PALLD: variants seen among roughly 807,000 people sequenced by gnomAD.
PALLD encodes the protein palladin, cytoskeletal associated protein.
A neutral mutation model predicts 123.5 loss-of-function variants in PALLD; 61 were observed. The observed-to-expected ratio is 0.49, with a 90% confidence interval of 0.40 to 0.61. The LOEUF (loss-of-function observed/expected upper bound fraction) is 0.61. Ranked by LOEUF, PALLD falls within the 20% of genes least tolerant of loss-of-function variation. The pLI is 0.00. For missense variants in PALLD, 1,273 were observed against 1,377.0 expected, an observed-to-expected ratio of 0.92 and a Z score of 1.20; for synonymous variants, 465 against 496.4, an observed-to-expected ratio of 0.94 and a Z score of 0.84.
chr4:168,524,553 T>C (rs193154764), intron 2 of PALLD, among the ~76,000 whole-genome samples: 24 of 152,252 alleles, frequency 1.6e-4, no homozygotes, highest in Admixed American at 1.2e-3. Flanking sequence ...AATCACGTCA[T>C]CATAGAAAAT....
At chr4:168,618,109 G>A (rs958873549) in intron 2 of PALLD, among the ~76,000 whole-genome samples, 2 of 152,156 alleles carry the variant, frequency 1.3e-5, no homozygotes, top group African/African-American at 4.8e-5. Flanking sequence ...CGAAGTGAGA[G>A]GTAGCTTCCA....
At chr4:168,740,668 T>A (rs552543543) in intron 10 of PALLD, among the ~76,000 whole-genome samples, 203 of 152,266 alleles carry the variant, frequency 1.3e-3, no homozygotes, top group African/African-American at 4.7e-3. Flanking sequence ...ATGGAAAACA[T>A]TAATTTAAAA....
chr4:168,550,901 C>A (rs1183346186), intron 2 of PALLD, among the ~76,000 whole-genome samples: 1 of 152,186 alleles, frequency 6.6e-6, no homozygotes, highest in Non-Finnish European at 1.5e-5. Flanking sequence ...GTTTCTAACT[C>A]TCTTGTTACT....
intron 2 of PALLD, among the ~76,000 whole-genome samples, chr4:168,666,894 C>T (rs1363656131): frequency 4.6e-5 from 7 of 152,174 alleles, no homozygotes; most frequent in Non-Finnish European, 1.0e-4. Flanking sequence ...GAAAGTTCTT[C>T]AAGACTTTAT....
At chr4:168,527,052 G>A (rs1236375069) in intron 2 of PALLD, among the ~76,000 whole-genome samples, 1 of 152,148 alleles carries the variant, frequency 6.6e-6, no homozygotes, top group Non-Finnish European at 1.5e-5. Flanking sequence ...TCCTTTGCCA[G>A]CTGCTTGTGG....
chr4:168,807,668 CA>C (rs1740430129), intron 10 of PALLD, among the ~76,000 whole-genome samples: 3 of 151,904 alleles, frequency 2.0e-5, no homozygotes, highest in Non-Finnish European at 2.9e-5. Flanking sequence ...CTTGGCCTCC[CA>C]AAGTGCTGTG....
intron 10 of PALLD, among the ~76,000 whole-genome samples, chr4:168,769,132 T>C (rs1178725509): frequency 1.3e-5 from 2 of 152,256 alleles, no homozygotes; most frequent in African/African-American, 4.8e-5. Context: ...GTATGTGTTT[T>C]ATTTGAGTGT....
rs143486094 is a variant in PALLD at position 168,593,520 on chromosome 4, G to A, written c.909-74670G>A. On this transcript the variant is annotated intron_variant, in intron 2 of 21. Coordinates refer to ENST00000505667, the MANE Select transcript of PALLD (RefSeq NM_001166108.2). ...ACCAAAAGCACATGCTCTCTTCTAC[G>A]TGCAACCTCAGGCTTTCCCACCCAC... Among the ~76,000 whole-genome samples, 1,136 of 151,566 alleles carry A rather than the reference G, an allele frequency of 7.5e-3. 12 individuals are homozygous for A. Among genetic ancestry groups the A allele is most frequent in the Middle Eastern group, 0.017 (5 of 288 alleles).
chr4:168,511,124 G>A (rs1762490338), intron 1 of PALLD, among the ~76,000 whole-genome samples: 1 of 152,084 alleles, frequency 6.6e-6, no homozygotes, highest in African/African-American at 2.4e-5. Context: ...ATTAGAGTTT[G>A]AGTAAGGTGG....
At chr4:168,586,577 C>T (rs1016335254) in intron 2 of PALLD, among the ~76,000 whole-genome samples, 3 of 152,254 alleles carry the variant, frequency 2.0e-5, no homozygotes, top group African/African-American at 7.2e-5. Context: ...CAAGCTAAAA[C>T]GTAAGCTGAA....
chr4:168,668,271 C>G lies in PALLD; in HGVS notation c.990C>G (p.Ile330Met). 6.2e-7 allele frequency: 1 copy of G among 1,614,134 alleles called. No individual in the cohort carries two copies. The highest frequency in any genetic ancestry group is 8.5e-7 in the Non-Finnish European group (1 of 1,179,958). ...AGGGAGGGGACCTCCATACCCTGATCATAGCAGAGGCCTTTGAGGACGACA... is the reference window on the plus strand; with the variant it reads ...AGGGAGGGGACCTCCATACCCTGATGATAGCAGAGGCCTTTGAGGACGACA... ...HCEGGDLHTL[I>M]IAEAFEDDTG... is the part of the protein sequence containing the mutation. Residue 330 changes from isoleucine to methionine, a missense_variant, in exon 3 of 22, where the codon ATC (isoleucine) becomes ATG (methionine). By Grantham distance (10) the Ile-to-Met change is conservative. Coordinates refer to ENST00000505667, the MANE Select transcript of PALLD (RefSeq NM_001166108.2).
chr4:168,926,189 T>C (rs1762558013), intron 21 of PALLD, 24 bp from the exon 22 acceptor site: 2 of 1,492,928 alleles, frequency 1.3e-6, no homozygotes, highest in African/African-American at 2.8e-5. Flanking sequence ...ATTAAAAATC[T>C]TAATTTACTC....
At chr4:168,517,073 G>A (rs7657906) in intron 2 of PALLD, among the ~76,000 whole-genome samples, 3,575 of 152,258 alleles carry the variant, frequency 0.023, 152 homozygotes, top group African/African-American at 0.081. Context: ...CAGGGAATGC[G>A]CCACAGGAAA....
At position 168,511,832 on chromosome 4, in the gene PALLD, A is replaced by C; in HGVS notation, c.328A>C (p.Thr110Pro). 1.2e-6 allele frequency: 2 copies of C among 1,614,114 alleles called. No individual in the cohort carries two copies. The highest frequency in any genetic ancestry group is 1.7e-6 in the Non-Finnish European group (2 of 1,179,984). ...TPVQPLAEKQ[T>P]KSISSPVSKR... is the part of the protein sequence containing the mutation. The stretch of plus-strand genomic sequence containing the variant: ...TGTCCAGCCTCTGGCAGAGAAACAA[A>C]CTAAGAGTATCTCTTCACCTGTTTC... The change falls in exon 2 of 22, where the codon ACT becomes CCT. Residue 110 changes from threonine to proline, a missense_variant. This residue lies in a region of PALLD where 944 missense variants were observed against 954.5 expected (regional missense o/e 0.99). Coordinates refer to ENST00000505667, the MANE Select transcript of PALLD (RefSeq NM_001166108.2).
chr4:168,791,901 TA>T (rs202083706), intron 10 of PALLD, among the ~76,000 whole-genome samples: 2 of 151,594 alleles, frequency 1.3e-5, no homozygotes, highest in East Asian at 1.9e-4. Context: ...TAAAATCTTC[TA>T]AAAAAAAGCA....
chr4:168,785,696 C>T (rs973041592), intron 10 of PALLD, among the ~76,000 whole-genome samples: 8 of 151,454 alleles, frequency 5.3e-5, no homozygotes, highest in Admixed American at 4.6e-4. Flanking sequence ...GTACTTACCC[C>T]GTTACTGGTT....
chr4:168,889,308 C>T (rs1753828131), intron 10 of PALLD, among the ~76,000 whole-genome samples: 1 of 151,598 alleles, frequency 6.6e-6, no homozygotes, highest in Non-Finnish European at 1.5e-5. Context: ...GGACTACAGG[C>T]GCCCACCACC....
intron 4 of PALLD, among the ~76,000 whole-genome samples, 165 bp downstream of exon 4, chr4:168,681,563 T>TTTTTTTTTTTTTTTTTTA (rs1781553310): frequency 2.1e-5 from 3 of 144,842 alleles, no homozygotes; most frequent in African/African-American, 2.7e-5. Context: ...TTTTTTTTTT[T>TTTTTTTTTTTTTTTTTTA]GAGACAGGGT....
At chr4:168,886,695 G>GAA (rs1326073212) in intron 10 of PALLD, among the ~76,000 whole-genome samples, 5 of 152,146 alleles carry the variant, frequency 3.3e-5, no homozygotes, top group Non-Finnish European at 7.4e-5. Context: ...TAATTGTTTA[G>GAA]AACCAAGAAA....
Sources: gnomAD v4.1 joint callset for allele counts (sites outside exome capture counted in the v4.1 genomes callset) on GRCh38, gnomAD v4.1.1 for gene constraint, gnomAD v4.1.1 regional missense constraint, MANE v1.5 for transcripts, NCBI Gene and HGNC (gene_info 2026-07-23, HGNC 2026-07-21) for gene names.